The following KIAA1549 variants were observed in gnomAD, a reference collection of about 807,000 sequenced individuals.
KIAA1549 encodes KIAA1549.
KIAA1549 carries 70 observed loss-of-function variants against 156.4 expected under a neutral mutation model. That is an observed-to-expected ratio of 0.45 (90% CI 0.37 to 0.55). The LOEUF (loss-of-function observed/expected upper bound fraction) is 0.55, where lower values mean the gene tolerates loss of function less well. Among genes scored for constraint, KIAA1549 ranks in the 20% least tolerant of loss-of-function variants. The pLI, the probability that KIAA1549 is intolerant of heterozygous loss-of-function variation, is 0.00. For synonymous variants in KIAA1549, 1,103 were observed against 1,066.4 expected, an observed-to-expected ratio of 1.03 and a Z score of -0.67; for missense variants, 2,428 against 2,540.9, an observed-to-expected ratio of 0.96 and a Z score of 0.96.
rs758551531 is a variant in KIAA1549 at position 138,917,847 on chromosome 7, A to C, written c.1779T>G (p.Ser593Arg). 3 of 1,603,392 alleles carry C rather than the reference A, an allele frequency of 1.9e-6. No homozygotes were observed. The highest frequency in any genetic ancestry group is 2.6e-6 in the Non-Finnish European group (3 of 1,174,954). ...VRDPSVFTPY[S>R]LVPSVESSLF... The stretch of plus-strand genomic sequence containing the variant: ...GTGAAGACTCCACTGAAGGAACCAG[A>C]CTATAAGGCGTAAAAACACTCGGGT... Residue 593 changes from serine (S) to arginine (R), a missense_variant, in exon 2 of 20, where the codon AGT becomes AGG. By Grantham distance (110) the Ser-to-Arg change is moderately radical. Coordinates refer to ENST00000422774, the MANE Select transcript of KIAA1549 (RefSeq NM_001164665.2).
Position 138,907,073 on chromosome 7 carries a change from C to T in KIAA1549, c.3306G>A (p.Arg1102=). The T allele has an allele frequency of 1.2e-6, 2 of 1,602,364 alleles. No individual in the cohort carries two copies. Among genetic ancestry groups the T allele is most frequent in the Non-Finnish European group, 1.7e-6 (2 of 1,176,432 alleles). The change falls in exon 6 of 20, where the codon AGG becomes AGA. Residue 1102 remains arginine, a synonymous_variant. Coordinates refer to ENST00000422774, the MANE Select transcript of KIAA1549 (RefSeq NM_001164665.2). ...QILNITISSS[R]VTPRRGPVNI... is the part of the protein sequence containing the mutation. Reference sequence around the variant, plus strand: ...TCACCGGGCCCCGCCGAGGAGTCACCCTTGAGGAACTGATGGTGATATTCA... The same window carrying T: ...TCACCGGGCCCCGCCGAGGAGTCACTCTTGAGGAACTGATGGTGATATTCA...
At chr7:138,865,090 A>G (rs1810698649) in intron 15 of KIAA1549, among the ~76,000 whole-genome samples, 2 of 152,110 alleles carry the variant, frequency 1.3e-5, no homozygotes, top group African/African-American at 4.8e-5. Context: ...TAGCCAGGCA[A>G]GGTGGCATGT....
intron 10 of KIAA1549, among the ~76,000 whole-genome samples, chr7:138,886,741 C>G (rs1439562790): frequency 6.6e-6 from 1 of 152,140 alleles, no homozygotes; most frequent in Non-Finnish European, 1.5e-5. Flanking sequence ...TTAAAGAGCT[C>G]CTGTTACAGG....
chr7:138,940,269 G>T (rs1229193686), intron 1 of KIAA1549, among the ~76,000 whole-genome samples: 1 of 150,614 alleles, frequency 6.6e-6, no homozygotes, highest in Non-Finnish European at 1.5e-5. Context: ...GTGGTGTTTG[G>T]TTTTTTGTCC....
At chr7:138,942,548 T>A (rs1203853987) in intron 1 of KIAA1549, among the ~76,000 whole-genome samples, 1 of 151,772 alleles carries the variant, frequency 6.6e-6, no homozygotes, top group Non-Finnish European at 1.5e-5. Context: ...TAACAGAAGT[T>A]GGGAACTGTC....
In KIAA1549 at chr7:138,883,883, G is replaced by A. The variant is rs567126086; in HGVS notation, c.4033-2299C>T. ...TCATCCCAGTTTCCTGGTGTACACC[G>A]CCTAAAATACGTGGAGTCTCCTGAG... On this transcript the variant is annotated intron_variant, in intron 10 of 19. Transcript: ENST00000422774. Among the ~76,000 whole-genome samples the A allele has an allele frequency of 9.2e-5, 14 of 152,184 alleles. 1 individual carries two copies. The South Asian group carries it at 1.7e-3, about 18-fold the overall frequency.
intron 1 of KIAA1549, among the ~76,000 whole-genome samples, chr7:138,938,866 G>A (rs1204541329): frequency 2.6e-5 from 4 of 152,128 alleles, no homozygotes; most frequent in Admixed American, 6.5e-5. Flanking sequence ...TAGCCAATAC[G>A]GCGAAACCCT....
chr7:138,869,691 C>T lies in KIAA1549; in HGVS notation c.4622G>A (p.Arg1541His), dbSNP rs763312655. 3.1e-6 allele frequency: 5 copies of T among 1,612,230 alleles called. No homozygotes were observed. Among genetic ancestry groups the T allele is most frequent in the East Asian group, 4.5e-5 (2 of 44,856 alleles). The stretch of plus-strand genomic sequence containing the variant: ...CACCGGGAACTCGTAGTGCCCGCGG[C>T]GCTTGGCGCGCAGGCGGATCTTGTT... ...HRNKIRLRAK[R>H]RGHYEFPVVD... The change falls in exon 14 of 20, where the codon CGC becomes CAC. Residue 1541 changes from arginine to histidine, a missense_variant. By Grantham distance (29) the Arg-to-His change is conservative (BLOSUM62 0). Transcript: ENST00000422774.
In KIAA1549 at chr7:138,974,877, G is replaced by A. The variant is rs574298607; in HGVS notation, c.187+6206C>T. Among the ~76,000 whole-genome samples the A allele has an allele frequency of 7.9e-5, 12 of 151,686 alleles. No individual in the cohort carries two copies. The East Asian group carries it at 2.3e-3, about 29-fold the overall frequency. ...GTCCCAAAAGCAGGTGTCTCTCAAG[G>A]TCTCTGGAGATTTACATAGCTCCAG... On this transcript the variant is annotated intron_variant, in intron 1 of 19. Coordinates refer to ENST00000422774, the MANE Select transcript of KIAA1549 (RefSeq NM_001164665.2).
At chr7:138,888,668 G>A (rs896165572) in intron 10 of KIAA1549, among the ~76,000 whole-genome samples, 2 of 152,162 alleles carry the variant, frequency 1.3e-5, no homozygotes, top group African/African-American at 2.4e-5. Context: ...ATGTATGTAT[G>A]GGCAGATGAA....
In KIAA1549 at chr7:138,917,251, G is replaced by T. The variant is rs766458275; in HGVS notation, c.2375C>A (p.Thr792Asn). The T allele has an allele frequency of 3.7e-6, 6 of 1,613,910 alleles. No individual in the cohort carries two copies. The Admixed American group carries it at 8.3e-5, about 22-fold the overall frequency. ...AGIQATSPLT[T>N]VHTTPILTES... ...AGTTAAAATGGGCGTTGTGTGGACA[G>T]TGGTCAATGGTGATGTTGCTTGAAT... The change falls in exon 2 of 20, where the codon ACT becomes AAT. Residue 792 changes from threonine (T) to asparagine (N), a missense_variant. Thr to Asn is a moderately conservative substitution (Grantham distance 65). Transcript: ENST00000422774.
chr7:138,953,490 C>T (rs996841687), intron 1 of KIAA1549, among the ~76,000 whole-genome samples: 1 of 151,798 alleles, frequency 6.6e-6, no homozygotes, highest in African/African-American at 2.4e-5. Flanking sequence ...AAGGGTCATC[C>T]CTCCTATATA....
At chr7:138,923,651 T>C (rs993763410) in intron 1 of KIAA1549, among the ~76,000 whole-genome samples, 2 of 151,776 alleles carry the variant, frequency 1.3e-5, no homozygotes, top group Non-Finnish European at 2.9e-5. Context: ...CAAATACTGA[T>C]GGTATAAATG....
chr7:138,832,830 A>G lies in KIAA1549; in HGVS notation c.*5076T>C, dbSNP rs1035131235. 1 of 226,514 alleles carries G rather than the reference A, an allele frequency of 4.4e-6. No individual in the cohort carries two copies. Among genetic ancestry groups the G allele is most frequent in the East Asian group, 6.4e-5 (1 of 15,720 alleles). 14.0% of individuals were successfully genotyped at this position (226,514 alleles called of 1,614,324 possible). On this transcript the variant is annotated 3_prime_UTR_variant, in exon 20 of 20. Coordinates refer to ENST00000422774, the MANE Select transcript of KIAA1549 (RefSeq NM_001164665.2). The stretch of plus-strand genomic sequence containing the variant: ...CATAGTGGAGAAAGTAGTCCTGTTT[A>G]AACACTGACAATCACCTCCACGAAT...
chr7:138,849,972 C>T (rs927709968), intron 17 of KIAA1549, among the ~76,000 whole-genome samples: 1 of 151,972 alleles, frequency 6.6e-6, no homozygotes, highest in African/African-American at 2.4e-5. Context: ...CACTGATGGG[C>T]ATTTAGGTTG....
At chr7:138,938,513 T>C (rs1813083984) in intron 1 of KIAA1549, among the ~76,000 whole-genome samples, 1 of 152,228 alleles carries the variant, frequency 6.6e-6, no homozygotes, top group African/African-American at 2.4e-5. Context: ...ACTCTCTAAG[T>C]GTCTATAATT....
In KIAA1549 at chr7:138,917,544, C is replaced by T. The variant is rs146280134; in HGVS notation, c.2082G>A (p.Ser694=). ...GCAGCTCGGAACTTGGCTGGAGCTG[C>T]GAAAACTCAAGATTTGTGGAACTGG... is the stretch of plus-strand genomic sequence containing the variant. ...SLPSSTNLEF[S]QLQPSSELPL... The change falls in exon 2 of 20, where the codon TCG becomes TCA. Residue 694 remains serine, a synonymous_variant. Transcript: ENST00000422774. 4.8e-5 allele frequency: 78 copies of T among 1,613,692 alleles called. No individual in the cohort carries two copies. In the African/African-American group the frequency reaches 5.1e-4, roughly 10 times the overall value.
Position 138,861,266 on chromosome 7 carries a change from G to A in KIAA1549, c.5120C>T (p.Thr1707Ile). ...TGGGACTCCGGGGCCTACACCTGCG[G>A]TGCTGGCAGGCTGGCTGCTGGGGGC... ...LVAPSSQPAS[T>I]AGVGPGVPPG... The change falls in exon 16 of 20, where the codon ACC becomes ATC. Residue 1707 changes from threonine (T) to isoleucine (I), a missense_variant. Thr to Ile is a moderately conservative substitution (Grantham distance 89). Around this residue, in one of 5 missense-constraint regions of KIAA1549, gnomAD observed 363 missense variants for 354.0 expected, o/e 1.03. Transcript: ENST00000422774. 2 of 1,609,102 alleles carry A rather than the reference G, an allele frequency of 1.2e-6. No homozygotes were observed. The highest frequency in any genetic ancestry group is 1.7e-6 in the Non-Finnish European group (2 of 1,178,578).
chr7:138,935,702 C>T (rs1295653025), intron 1 of KIAA1549, among the ~76,000 whole-genome samples: 1 of 152,320 alleles, frequency 6.6e-6, no homozygotes, highest in East Asian at 1.9e-4. Context: ...GACGTCCAAG[C>T]TGCCAGGAGA....
Sources: allele counts gnomAD v4.1 joint callset (sites outside exome capture counted in the v4.1 genomes callset), GRCh38; gene constraint gnomAD v4.1.1; regional missense constraint gnomAD v4.1.1; transcripts MANE v1.5; gene names NCBI Gene and HGNC (gene_info 2026-07-23, HGNC 2026-07-21).